The following LDB2 variants were observed in gnomAD, a reference collection of about 807,000 sequenced individuals.
The protein encoded by LDB2 is LIM domain binding 2, also known as LIM domain-binding protein 2.
In LDB2, 12 loss-of-function variants were observed where a neutral mutation model predicts 44.3. That is an observed-to-expected ratio of 0.27 (90% confidence interval 0.17 to 0.44). The LOEUF (loss-of-function observed/expected upper bound fraction) is 0.44, where lower values mean the gene tolerates loss of function less well. Among genes scored for constraint, LDB2 ranks in the 20% least tolerant of loss-of-function variants. The pLI, the probability that LDB2 is intolerant of heterozygous loss-of-function variation, is 1.00. For missense variants in LDB2, 344 were observed against 473.5 expected, an observed-to-expected ratio of 0.73 and a Z score of 2.54; for synonymous variants, 164 against 174.8, an observed-to-expected ratio of 0.94 and a Z score of 0.49.
At chr4:16,706,370 C>T (rs1412292794) in intron 2 of LDB2, among the ~76,000 whole-genome samples, 1 of 152,140 alleles carries the variant, frequency 6.6e-6, no homozygotes, top group East Asian at 1.9e-4. Context: ...GCCCCTTCTG[C>T]GACCTAAGGA....
chr4:16,792,501 G>T (rs1007935727), intron 1 of LDB2, among the ~76,000 whole-genome samples: 1 of 152,168 alleles, frequency 6.6e-6, no homozygotes, highest in Non-Finnish European at 1.5e-5. Context: ...TTCTAATGTA[G>T]ATGAAAGTGT....
chr4:16,638,990 G>C (rs1578393979), intron 2 of LDB2, among the ~76,000 whole-genome samples: 1 of 152,218 alleles, frequency 6.6e-6, no homozygotes, highest in East Asian at 1.9e-4. Context: ...TAAAAACAGA[G>C]AAACATTCCC....
At chr4:16,628,385 C>T (rs1730886190) in intron 2 of LDB2, among the ~76,000 whole-genome samples, 1 of 152,252 alleles carries the variant, frequency 6.6e-6, no homozygotes, top group East Asian at 1.9e-4. Flanking sequence ...CCAGGAGAAG[C>T]TCACCATCTA....
chr4:16,643,076 A>G (rs1263867258), intron 2 of LDB2, among the ~76,000 whole-genome samples: 2 of 151,546 alleles, frequency 1.3e-5, no homozygotes, highest in African/African-American at 2.4e-5. Flanking sequence ...ATGTATATTT[A>G]TTACAACAAT....
intron 2 of LDB2, among the ~76,000 whole-genome samples, chr4:16,678,401 C>T (rs1409737060): frequency 6.6e-6 from 1 of 152,080 alleles, no homozygotes; most frequent in Non-Finnish European, 1.5e-5. Context: ...ATTCTTACTC[C>T]TAGTTGTTCA....
intron 1 of LDB2, among the ~76,000 whole-genome samples, chr4:16,772,835 G>A (rs1489132030): frequency 6.6e-6 from 1 of 152,138 alleles, no homozygotes; most frequent in Admixed American, 6.5e-5. Flanking sequence ...AAAATATAAT[G>A]TTCACACATG....
At chr4:16,535,579 A>G (rs1484689097) in intron 5 of LDB2, among the ~76,000 whole-genome samples, 1 of 152,214 alleles carries the variant, frequency 6.6e-6, no homozygotes, top group Admixed American at 6.5e-5. Context: ...ACCAAGGAAG[A>G]ATACTCAATC....
chr4:16,517,322 T>C (rs1283441092), intron 5 of LDB2, among the ~76,000 whole-genome samples: 1 of 147,156 alleles, frequency 6.8e-6, no homozygotes, highest in Non-Finnish European at 1.5e-5. Flanking sequence ...TATATGCCTT[T>C]TCCTCATTAC....
At chr4:16,814,059 G>C (rs1421539593) in intron 1 of LDB2, among the ~76,000 whole-genome samples, 2 of 152,064 alleles carry the variant, frequency 1.3e-5, no homozygotes, top group African/African-American at 4.8e-5. Flanking sequence ...TTTTACTAGA[G>C]ACGGGGTTTC....
At chr4:16,629,995 C>A (rs1046953087) in intron 2 of LDB2, among the ~76,000 whole-genome samples, 2 of 152,132 alleles carry the variant, frequency 1.3e-5, no homozygotes, top group Non-Finnish European at 2.9e-5. Flanking sequence ...GAGAATGGAA[C>A]CAACTTGGAA....
intron 1 of LDB2, among the ~76,000 whole-genome samples, chr4:16,788,954 G>A (rs139277826): frequency 1.6e-3 from 249 of 152,260 alleles, no homozygotes; most frequent in Non-Finnish European, 3.0e-3. Flanking sequence ...CCCCCAGACC[G>A]GATTTCATTT....
At chr4:16,713,364 C>CTT (rs113233590) in intron 2 of LDB2, among the ~76,000 whole-genome samples, 210 of 112,648 alleles carry the variant, frequency 1.9e-3, no homozygotes, top group African/African-American at 5.8e-3. Context: ...AATAGTAAAG[C>CTT]TTTTTTTTTT....
chr4:16,586,584 C>T (rs1717077500), intron 4 of LDB2, among the ~76,000 whole-genome samples: 2 of 151,840 alleles, frequency 1.3e-5, no homozygotes, highest in South Asian at 2.1e-4. Context: ...TCACTCTCCT[C>T]CCCATTAAGC....
chr4:16,898,366 C>T lies in LDB2; in HGVS notation c.120G>A (p.Gln40=). 1 of 1,613,718 alleles carries T rather than the reference C, an allele frequency of 6.2e-7. No individual in the cohort carries two copies. The highest frequency in any genetic ancestry group is 1.3e-5 in the African/African-American group (1 of 75,018). ...TTGAAGTACTTACCTCTGTGCGAGACTGCAGTCTCTTGTTCATCTCATAGA... is the reference window on the plus strand; with the variant it reads ...TTGAAGTACTTACCTCTGTGCGAGATTGCAGTCTCTTGTTCATCTCATAGA... ...YRIYEMNKRL[Q]SRTEDSDNLW... is the part of the protein sequence containing the mutation. Residue 40 remains glutamine, a synonymous_variant, in exon 1 of 8, where the codon CAG becomes CAA. Transcript: ENST00000304523.
At chr4:16,554,433 G>A (rs575972243) in intron 5 of LDB2, among the ~76,000 whole-genome samples, 2 of 152,238 alleles carry the variant, frequency 1.3e-5, no homozygotes, top group South Asian at 4.1e-4. Flanking sequence ...CTACTGTGGA[G>A]GTCAGGAAGA....
At chr4:16,768,194 T>G (rs552254732) in intron 1 of LDB2, among the ~76,000 whole-genome samples, 33 of 145,964 alleles carry the variant, frequency 2.3e-4, no homozygotes, top group South Asian at 6.5e-4. Flanking sequence ...TGAAAATGTG[T>G]TTTTTTTTTA....
intron 2 of LDB2, among the ~76,000 whole-genome samples, chr4:16,750,263 T>C (rs555397988): frequency 9.8e-5 from 15 of 152,320 alleles, no homozygotes; most frequent in Admixed American, 5.2e-4. Flanking sequence ...TCTTACAGGG[T>C]GGATGCTATT....
chr4:16,559,930 C>T (rs958436088), intron 5 of LDB2, among the ~76,000 whole-genome samples: 62 of 152,296 alleles, frequency 4.1e-4, no homozygotes, highest in Middle Eastern at 3.4e-3. Context: ...AACCGCTCAA[C>T]TACATGGAAA....
At chr4:16,740,722 A>G (rs560916853) in intron 2 of LDB2, among the ~76,000 whole-genome samples, 43 of 152,178 alleles carry the variant, frequency 2.8e-4, no homozygotes, top group Admixed American at 3.3e-4. Context: ...TTTCTTCTAT[A>G]CTAAGTGACA....
Sources: allele counts gnomAD v4.1 joint callset (sites outside exome capture counted in the v4.1 genomes callset), GRCh38; gene constraint gnomAD v4.1.1; transcripts MANE v1.5; gene names NCBI Gene and HGNC (gene_info 2026-07-23, HGNC 2026-07-21).